RABGAP1: variants seen among roughly 807,000 people sequenced by gnomAD.
RABGAP1 encodes the protein rab GTPase-activating protein 1.
A neutral mutation model predicts 137.6 loss-of-function variants in RABGAP1; 23 were observed. The observed-to-expected ratio is 0.17, with a 90% CI of 0.12 to 0.24. The LOEUF is 0.24. RABGAP1 is among the 10% of genes least tolerant of loss of function. The pLI, the probability that RABGAP1 is intolerant of heterozygous loss-of-function variation, is 1.00. For missense variants in RABGAP1, 906 were observed against 1,275.8 expected, an observed-to-expected ratio of 0.71 and a Z score of 4.42; for synonymous variants, 451 against 450.7, an observed-to-expected ratio of 1.00 and a Z score of -0.01.
intron 2 of RABGAP1, among the ~76,000 whole-genome samples, chr9:122,966,574 A>C (rs543855943): frequency 6.6e-6 from 1 of 152,276 alleles, no homozygotes; most frequent in South Asian, 2.1e-4. Context: ...GACCACTCAC[A>C]ATGTGAGTGT....
At chr9:123,067,952 T>G (rs1217283559) in intron 14 of RABGAP1, among the ~76,000 whole-genome samples, 2 of 152,232 alleles carry the variant, frequency 1.3e-5, no homozygotes, top group Non-Finnish European at 2.9e-5. Flanking sequence ...AGCTCTGTGC[T>G]GAGCATGTTA....
At chr9:123,048,396 T>A (rs2033314495) in intron 13 of RABGAP1, among the ~76,000 whole-genome samples, 1 of 152,252 alleles carries the variant, frequency 6.6e-6, no homozygotes, top group Non-Finnish European at 1.5e-5. Context: ...TTGATTCGAT[T>A]ATTTAAAAAT....
At chr9:122,997,385 G>T (rs199769530) in intron 9 of RABGAP1, 24 bp downstream of exon 9, 156 of 1,529,596 alleles carry the variant, frequency 1.0e-4, no homozygotes, top group Non-Finnish European at 1.4e-4. Context: ...TTGACATCAT[G>T]AACAGAAATT....
chr9:122,960,786 G>C (rs182620064), intron 2 of RABGAP1, among the ~76,000 whole-genome samples: 2 of 152,258 alleles, frequency 1.3e-5, no homozygotes, highest in East Asian at 3.9e-4. Context: ...AAGGCGTGAT[G>C]ATAGTTTCAC....
chr9:123,076,395 G>C, intron 18 of RABGAP1, 109 bp downstream of exon 18: 4 of 1,285,174 alleles, frequency 3.1e-6, no homozygotes, highest in Non-Finnish European at 4.4e-6. Context: ...CATTACCCAT[G>C]ACAGTGGATG....
chr9:123,022,207 A>G (rs941103513), intron 13 of RABGAP1, among the ~76,000 whole-genome samples: 1 of 152,228 alleles, frequency 6.6e-6, no homozygotes, highest in Non-Finnish European at 1.5e-5. Flanking sequence ...TGGTAAGACT[A>G]TTCATAAGAC....
At chr9:123,049,434 A>G (rs2132053806) in intron 13 of RABGAP1, among the ~76,000 whole-genome samples, 1 of 152,364 alleles carries the variant, frequency 6.6e-6, no homozygotes, top group South Asian at 2.1e-4. Flanking sequence ...CAACGATAAT[A>G]GAGAAACCTA....
At chr9:122,949,241 G>A (rs972259049) in intron 1 of RABGAP1, among the ~76,000 whole-genome samples, 2 of 151,960 alleles carry the variant, frequency 1.3e-5, no homozygotes, top group African/African-American at 4.8e-5. Context: ...GGCTGGCTGC[G>A]GTGGCTCACA....
chr9:123,013,338 C>CTT (rs34037664), intron 11 of RABGAP1, among the ~76,000 whole-genome samples: 46 of 147,464 alleles, frequency 3.1e-4, no homozygotes, highest in Non-Finnish European at 4.5e-4. Context: ...TTGAGCCTTT[C>CTT]TTTTTTTTTT....
chr9:123,084,434 A>T (rs1202782817), intron 19 of RABGAP1, among the ~76,000 whole-genome samples: 3 of 152,136 alleles, frequency 2.0e-5, no homozygotes, highest in Non-Finnish European at 2.9e-5. Flanking sequence ...CACTCACCCA[A>T]CAACATGCTT....
At chr9:123,038,093 G>C (rs1439708815) in intron 13 of RABGAP1, among the ~76,000 whole-genome samples, 1 of 152,082 alleles carries the variant, frequency 6.6e-6, no homozygotes, top group East Asian at 1.9e-4. Flanking sequence ...TTTTAATGCA[G>C]TGATTTCAGT....
chr9:122,955,376 A>G (rs1443364518), intron 1 of RABGAP1, among the ~76,000 whole-genome samples: 1 of 152,248 alleles, frequency 6.6e-6, no homozygotes, highest in Non-Finnish European at 1.5e-5. Flanking sequence ...TAAGTATTCA[A>G]TGAATGGATT....
chr9:122,950,574 G>A (rs1304762499), intron 1 of RABGAP1, among the ~76,000 whole-genome samples: 5 of 151,938 alleles, frequency 3.3e-5, no homozygotes. Context: ...ACACACCTCT[G>A]TTATAACAAG....
At chr9:123,045,827 A>G (rs1297407695) in intron 13 of RABGAP1, among the ~76,000 whole-genome samples, 1 of 152,210 alleles carries the variant, frequency 6.6e-6, no homozygotes, top group Non-Finnish European at 1.5e-5. Flanking sequence ...ATGGGATAAT[A>G]CTACCTCATT....
chr9:123,031,621 A>G (rs1270632113), intron 13 of RABGAP1, among the ~76,000 whole-genome samples: 1 of 152,238 alleles, frequency 6.6e-6, no homozygotes, highest in Non-Finnish European at 1.5e-5. Flanking sequence ...TATTGTGGAA[A>G]TACATTTTCA....
chr9:123,099,709 C>A (rs1339040475), intron 24 of RABGAP1, among the ~76,000 whole-genome samples, 160 bp downstream of exon 24: 2 of 152,232 alleles, frequency 1.3e-5, no homozygotes, highest in African/African-American at 2.4e-5. Context: ...ACTAACACTA[C>A]GCCTGTTTTC....
chr9:123,002,618 T>C (rs976430315), intron 10 of RABGAP1, among the ~76,000 whole-genome samples: 3 of 151,752 alleles, frequency 2.0e-5, no homozygotes, highest in African/African-American at 7.2e-5. Context: ...GGAAACAAAT[T>C]TATTTAATTT....
At chr9:123,029,672 C>T (rs921570015) in intron 13 of RABGAP1, 3 of 697,320 alleles carry the variant, frequency 4.3e-6, no homozygotes, top group South Asian at 4.1e-5. Flanking sequence ...TTGGCCTTGC[C>T]CCCGGGTTTG....
chr9:123,099,379 T>C (rs1588416614), intron 23 of RABGAP1, 99 bp from the exon 24 acceptor site: 4 of 1,151,662 alleles, frequency 3.5e-6, no homozygotes, highest in East Asian at 2.4e-5. Context: ...TATTTGCTAC[T>C]ATGTTAATTC....
Sources: gnomAD v4.1 joint callset for allele counts (sites outside exome capture counted in the v4.1 genomes callset) on GRCh38, gnomAD v4.1.1 for gene constraint, MANE v1.5 for transcripts, NCBI Gene and HGNC (gene_info 2026-07-23, HGNC 2026-07-21) for gene names.